AMOTL1: variants seen among roughly 807,000 people sequenced by gnomAD.
The protein encoded by AMOTL1 is angiomotin-like protein 1.
AMOTL1 carries 45 observed loss-of-function variants against 102.9 expected under a neutral mutation model. The observed-to-expected ratio is 0.44, with a 90% CI of 0.34 to 0.56. The LOEUF (loss-of-function observed/expected upper bound fraction) is 0.56, where lower values mean the gene tolerates loss of function less well. Ranked by LOEUF, AMOTL1 falls within the 20% of genes least tolerant of loss-of-function variation. The pLI, the probability that AMOTL1 is intolerant of heterozygous loss-of-function variation, is 0.01. For missense variants in AMOTL1, 1,114 were observed against 1,225.6 expected (o/e 0.91, Z 1.36); for synonymous variants, 481 against 484.7 (o/e 0.99, Z 0.10).
intron 1 of AMOTL1, among the ~76,000 whole-genome samples, chr11:94,780,218 C>T (rs1565348814): frequency 6.6e-6 from 1 of 152,204 alleles, no homozygotes; most frequent in Non-Finnish European, 1.5e-5. Flanking sequence ...GTCACTGTCT[C>T]TGAAGATGGA....
intron 5 of AMOTL1, among the ~76,000 whole-genome samples, chr11:94,831,119 T>C (rs1952061484): frequency 6.6e-6 from 1 of 152,176 alleles, no homozygotes; most frequent in Admixed American, 6.5e-5. Flanking sequence ...AGGGCTGGGT[T>C]TGAGGCCAAG....
rs917942634 is a variant in AMOTL1, at chr11:94,876,229, T to G, written c.*5434T>G. 6.6e-6 allele frequency: 1 copy of G among 152,584 alleles called. No individual in the cohort carries two copies. The highest frequency in any genetic ancestry group is 1.5e-5 in the Non-Finnish European group (1 of 68,018). 9.5% of individuals were successfully genotyped at this position (152,584 alleles called of 1,614,324 possible). On this transcript the variant is annotated 3_prime_UTR_variant, in exon 13 of 13. Coordinates refer to ENST00000433060, the MANE Select transcript of AMOTL1 (RefSeq NM_130847.3). ...TTATTTGAATCAAGGTGTTTTTTTGTTTTTTGTTTTTTTTCCTTTTGAGGA... is the reference window on the plus strand; with the variant it reads ...TTATTTGAATCAAGGTGTTTTTTTGGTTTTTGTTTTTTTTCCTTTTGAGGA...
chr11:94,788,363 ACT>A (rs1471820956), intron 1 of AMOTL1, among the ~76,000 whole-genome samples: 1 of 152,074 alleles, frequency 6.6e-6, no homozygotes, highest in Non-Finnish European at 1.5e-5. Context: ...GCTACGCTGA[ACT>A]CTCTATTCCT....
At chr11:94,869,032 TTTG>T (rs1952938644) in intron 11 of AMOTL1, among the ~76,000 whole-genome samples, 163 bp from the exon 12 acceptor site, 1 of 151,840 alleles carries the variant, frequency 6.6e-6, no homozygotes, top group Admixed American at 6.6e-5. Context: ...TCTCTCAGTG[TTTG>T]TTATTTTATC....
intron 2 of AMOTL1, among the ~76,000 whole-genome samples, chr11:94,738,322 A>G (rs1033364160): frequency 7.4e-5 from 11 of 149,628 alleles, no homozygotes; most frequent in Admixed American, 6.7e-4. Context: ...CAATGGCGTG[A>G]TCTCTGCTCA....
intron 1 of AMOTL1, among the ~76,000 whole-genome samples, chr11:94,783,926 G>T (rs1248536661): frequency 4.7e-4 from 68 of 145,034 alleles, no homozygotes; most frequent in East Asian, 2.4e-3. Context: ...TATCTGTTTT[G>T]TTTTTTTTTT....
chr11:94,734,019 G>C (rs765033579), intron 2 of AMOTL1, among the ~76,000 whole-genome samples: 23 of 152,170 alleles, frequency 1.5e-4, no homozygotes, highest in Non-Finnish European at 4.4e-5. Flanking sequence ...GCAGGAATGG[G>C]ACAAATTTAA....
intron 1 of AMOTL1, among the ~76,000 whole-genome samples, chr11:94,773,928 C>G (rs962385059): frequency 6.6e-6 from 1 of 152,170 alleles, no homozygotes; most frequent in Non-Finnish European, 1.5e-5. Flanking sequence ...ACAGGTGTAT[C>G]CTGGCCCTGC....
chr11:94,869,538 T>C, intron 12 of AMOTL1, 65 bp downstream of exon 12: 1 of 1,486,644 alleles, frequency 6.7e-7, no homozygotes, highest in Non-Finnish European at 9.0e-7. Flanking sequence ...AAGAGAATCT[T>C]TTGTTGAGCT....
Position 94,866,173 on chromosome 11 carries a change from GCCCCACAC to G in AMOTL1, c.2488+7_2488+14del. The G allele has an allele frequency of 6.2e-7, 1 of 1,613,200 alleles. No homozygotes were observed. On this transcript the variant is annotated splice_donor_region_variant and intron_variant, in intron 11 of 12. Coordinates refer to ENST00000433060, the MANE Select transcript of AMOTL1 (RefSeq NM_130847.3). ...AGACCTGGAAGGGGAGCATAGGTGAGCCCCACACCTCTGTCAGACCATGATTGGAAAAG... is the reference window on the plus strand; with the variant it reads ...AGACCTGGAAGGGGAGCATAGGTGAGCTCTGTCAGACCATGATTGGAAAAG...
chr11:94,772,936 T>A lies in AMOTL1; in HGVS notation c.49+4376T>A, dbSNP rs183584163. Among the ~76,000 whole-genome samples the A allele has an allele frequency of 4.1e-3, 630 of 152,332 alleles. 13 individuals are homozygous for A. Among genetic ancestry groups the A allele is most frequent in the South Asian group, 0.035 (167 of 4,830 alleles). On this transcript the variant is annotated intron_variant, in intron 1 of 12. Transcript: ENST00000433060. ...GTAGGTGCTCTAATCTTACCATGGT[T>A]TTAATTTGCATTACCCTAATGGCTG...
chr11:94,794,953 A>C, intron 1 of AMOTL1, 58 bp from the exon 2 acceptor site: 1 of 1,526,630 alleles, frequency 6.6e-7, no homozygotes, highest in South Asian at 1.3e-5. Flanking sequence ...TGTGAGTCAC[A>C]CAGGAAGGAA....
At chr11:94,784,140 C>G (rs1951148731) in intron 1 of AMOTL1, among the ~76,000 whole-genome samples, 1 of 150,884 alleles carries the variant, frequency 6.6e-6, no homozygotes, top group Middle Eastern at 3.4e-3. Context: ...TCTTTCTTCC[C>G]TATAACTAGA....
chr11:94,770,172 C>T (rs1227257839), intron 1 of AMOTL1, among the ~76,000 whole-genome samples: 3 of 152,142 alleles, frequency 2.0e-5, no homozygotes, highest in Non-Finnish European at 4.4e-5. Flanking sequence ...CCCAGGTTAA[C>T]GATTAAGGAG....
At chr11:94,837,463 G>A (rs999480287) in intron 6 of AMOTL1, among the ~76,000 whole-genome samples, 34 of 152,338 alleles carry the variant, frequency 2.2e-4, no homozygotes, top group African/African-American at 8.2e-4. Flanking sequence ...AGTGGGCCAT[G>A]TTCCCAAAGA....
rs1359552173 is a variant in AMOTL1 at position 94,787,208 on chromosome 11, A to T, written c.50-7803A>T. 2.2e-4 allele frequency among the ~76,000 whole-genome samples: 34 copies of T among 152,108 alleles called. 1 individual carries two copies. Among genetic ancestry groups the T allele is most frequent in the Admixed American group, 2.2e-3 (34 of 15,272 alleles). ...TGGCACTAGAATAGAGCTTCAAAAG[A>T]CTTTCTCATAATTAGTATATATTTT... On this transcript the variant is annotated intron_variant, in intron 1 of 12. Transcript: ENST00000433060.
intron 7 of AMOTL1, among the ~76,000 whole-genome samples, chr11:94,853,547 T>C (rs1397171045): frequency 6.6e-6 from 1 of 152,234 alleles, no homozygotes; most frequent in Non-Finnish European, 1.5e-5. Flanking sequence ...ACATTTGGGT[T>C]GCTTCCATGT....
At chr11:94,804,523 C>T (rs1951535068) in intron 3 of AMOTL1, among the ~76,000 whole-genome samples, 1 of 152,202 alleles carries the variant, frequency 6.6e-6, no homozygotes. Flanking sequence ...AACTCCTGGG[C>T]TCAAGCAGTC....
chr11:94,740,055 A>G (rs1041420176), intron 2 of AMOTL1, among the ~76,000 whole-genome samples: 1 of 152,184 alleles, frequency 6.6e-6, no homozygotes, highest in African/African-American at 2.4e-5. Flanking sequence ...CGCATAAATT[A>G]ACAACTTCTC....
Sources: gnomAD v4.1 joint callset for allele counts (sites outside exome capture counted in the v4.1 genomes callset) on GRCh38, gnomAD v4.1.1 for gene constraint, MANE v1.5 for transcripts, NCBI Gene and HGNC (gene_info 2026-07-23, HGNC 2026-07-21) for gene names.